Variants in CLSTN3 observed in about 807,000 individuals in gnomAD.
CLSTN3 encodes the protein calsyntenin-3.
A neutral mutation model predicts 95.9 loss-of-function variants in CLSTN3; 36 were observed. That is an observed-to-expected ratio of 0.38 (90% CI 0.29 to 0.50). CLSTN3 has a LOEUF of 0.50. Among genes scored for constraint, CLSTN3 ranks in the 20% least tolerant of loss-of-function variants. The pLI is 0.95. For missense variants in CLSTN3, 1,084 were observed against 1,268.8 expected (o/e 0.85, Z 2.21); for synonymous variants, 481 against 504.0 (o/e 0.95, Z 0.61).
chr12:7,155,979 C>A, intron 16 of CLSTN3: 1 of 332,228 alleles, frequency 3.0e-6, no homozygotes, highest in South Asian at 2.3e-5. Context: ...GCTCCTGGGC[C>A]ATGCGCTTCC....
chr12:7,146,881 C>T (rs1448860737), intron 12 of CLSTN3, among the ~76,000 whole-genome samples: 3 of 152,144 alleles, frequency 2.0e-5, no homozygotes, highest in African/African-American at 7.2e-5. Context: ...TCCCAAGGGG[C>T]TTTGCCCTAG....
In CLSTN3 at chr12:7,150,715, A is replaced by G; in HGVS notation, c.2391+26A>G. On this transcript the variant is annotated intron_variant, in intron 15 of 17. Coordinates refer to ENST00000266546, the MANE Select transcript of CLSTN3 (RefSeq NM_014718.4). This position sits in a 1 kb window ranked among gnomAD's most constrained non-coding sequence, Gnocchi z 4.0. ...GTACCCAGAGAGTCTCCTTCCTTCC[A>G]CAGTTACCCACCCCCAGAAAGGAGC... is the stretch of plus-strand genomic sequence containing the variant. The G allele has an allele frequency of 6.2e-7, 1 of 1,605,266 alleles. No homozygotes were observed. Among genetic ancestry groups the G allele is most frequent in the Non-Finnish European group, 8.5e-7 (1 of 1,172,688 alleles).
intron 10 of CLSTN3, 128 bp from the exon 11 acceptor site, chr12:7,142,741 C>G: frequency 3.2e-5 from 9 of 280,754 alleles, no homozygotes; most frequent in Middle Eastern, 4.9e-4. Flanking sequence ...TTTTTGGTTT[C>G]CACATTTCTC....
In CLSTN3 at chr12:7,157,560, C is replaced by T. The variant is rs1226470571; in HGVS notation, c.2599C>T (p.Leu867=). ...CCTGGTGCTCATGGTCGTCCTGGGC[C>T]TGGTGCGCATCCATTCCCTTCACCG... ...GFLVLMVVLG[L]VRIHSLHRRV... The change falls in exon 17 of 18, where the codon CTG becomes TTG. Residue 867 remains leucine (L), a synonymous_variant. Transcript: ENST00000266546. The surrounding 1 kb of genome is among the most constrained non-coding windows in gnomAD (Gnocchi z 5.9). 9 of 1,612,936 alleles carry T rather than the reference C, an allele frequency of 5.6e-6. No individual in the cohort carries two copies. The highest frequency in any genetic ancestry group is 7.6e-6 in the Non-Finnish European group (9 of 1,179,572).
intron 11 of CLSTN3, 51 bp from the exon 12 acceptor site, chr12:7,143,112 C>G (rs764175617): frequency 6.2e-7 from 1 of 1,600,518 alleles, no homozygotes; most frequent in East Asian, 2.2e-5. Context: ...TGCTCCCTTC[C>G]TCTGCCACCT....
chr12:7,158,107 G>C lies in CLSTN3; in HGVS notation c.*26G>C, dbSNP rs760882672. 1 of 1,479,686 alleles carries C rather than the reference G, an allele frequency of 6.8e-7. No individual in the cohort carries two copies. Among genetic ancestry groups the C allele is most frequent in the East Asian group, 2.5e-5 (1 of 39,874 alleles). 91.7% of individuals were successfully genotyped at this position (1,479,686 alleles called of 1,614,324 possible). On this transcript the variant is annotated 3_prime_UTR_variant, in exon 18 of 18. Transcript: ENST00000266546. ...GGCCTACACCTCTCCCCACGCAGAG[G>C]GGGAATTCTGCCCTGGTGAAACAGA...
At chr12:7,142,238 C>A in intron 10 of CLSTN3, 99 bp downstream of exon 10, 2 of 1,000,496 alleles carry the variant, frequency 2.0e-6, no homozygotes, top group South Asian at 1.5e-5. Context: ...CCTGTGACAG[C>A]CTCCTAGGCC....
At chr12:7,131,611 G>A (rs1456512518) in intron 1 of CLSTN3, among the ~76,000 whole-genome samples, 1 of 152,154 alleles carries the variant, frequency 6.6e-6, no homozygotes, top group Non-Finnish European at 1.5e-5. Context: ...ACCGCAGGGG[G>A]CCAGGAGGAG....
In CLSTN3 at chr12:7,135,306, CCTT is replaced by C. The variant is rs1565648846; in HGVS notation, c.384-18_384-16del. On this transcript the variant is annotated intron_variant, in intron 3 of 17. Coordinates refer to ENST00000266546, the MANE Select transcript of CLSTN3 (RefSeq NM_014718.4). ...GGCTGGCTGACGTGTCTTCATCCCT[CCTT>C]CTCTCTGGCATATGCAGGGCCACTG... 3.1e-6 allele frequency: 5 copies of C among 1,611,664 alleles called. No homozygotes were observed. Among genetic ancestry groups the C allele is most frequent in the Non-Finnish European group, 3.4e-6 (4 of 1,177,914 alleles).
Position 7,158,042 on chromosome 12 carries a change from C to A in CLSTN3, c.2832C>A (p.Asp944Glu). The part of the protein sequence containing the change: ...DSEVADSPSS[D>E]ERRIIETPPH... ...AGGTGGCCGATTCCCCCAGCAGCGA[C>A]GAGAGACGCATCATCGAGACCCCCC... is the stretch of plus-strand genomic sequence containing the variant. The change falls in exon 18 of 18, where the codon GAC becomes GAA. Residue 944 changes from aspartate (D) to glutamate (E), a missense_variant. By Grantham distance (45) the Asp-to-Glu change is conservative. Transcript: ENST00000266546. 6.5e-7 allele frequency: 1 copy of A among 1,548,474 alleles called. No homozygotes were observed. The highest frequency in any genetic ancestry group is 8.7e-7 in the Non-Finnish European group (1 of 1,145,064).
chr12:7,137,843 C>G lies in CLSTN3; in HGVS notation c.1211-112C>G. 1 of 417,996 alleles carries G rather than the reference C, an allele frequency of 2.4e-6. No homozygotes were observed. The allele number at this position is 417,996 out of a possible 1,614,324, so 25.9% of individuals were successfully genotyped here. ...GAGAGGAAAGAAAAATGCTAGAGAA[C>G]GAGGGAATGAGAGAGGATTAAGAGA... On this transcript the variant is annotated intron_variant, in intron 7 of 17. Coordinates refer to ENST00000266546, the MANE Select transcript of CLSTN3 (RefSeq NM_014718.4). This position sits in a 1 kb window ranked among gnomAD's most constrained non-coding sequence, Gnocchi z 4.4.
In CLSTN3 at chr12:7,135,386, G is replaced by A. The variant is rs1397492606; in HGVS notation, c.443G>A (p.Arg148Gln). Residue 148 changes from arginine to glutamine, a missense_variant, in exon 4 of 18, where the codon CGG becomes CAG. Arg to Gln is a conservative substitution (Grantham distance 43). Coordinates refer to ENST00000266546, the MANE Select transcript of CLSTN3 (RefSeq NM_014718.4). ...VNEFAPVFVE[R>Q]LYRAAVTEGK... ...GAGTTTGCCCCAGTGTTTGTGGAAC[G>A]GCTGTATCGTGCGGCTGTGACAGAG... 1.1e-5 allele frequency: 17 copies of A among 1,614,034 alleles called. No individual in the cohort carries two copies. Among genetic ancestry groups the A allele is most frequent in the Admixed American group, 3.3e-5 (2 of 60,010 alleles).
rs1411129570 is a variant in CLSTN3 at position 7,133,681 on chromosome 12, G to T, written c.296G>T (p.Cys99Phe). ...GLIRAKEPVDCEAQKEHTFTI... is the reference protein window; with the variant it reads ...GLIRAKEPVDFEAQKEHTFTI... ...ATCCGGGCCAAGGAGCCTGTGGACT[G>T]CGAGGCCCAGAAGGAACACACCTTC... is the stretch of plus-strand genomic sequence containing the variant. The change falls in exon 3 of 18, where the codon TGC becomes TTC. Residue 99 changes from cysteine (C) to phenylalanine (F), a missense_variant. By Grantham distance (205) the Cys-to-Phe change is radical. Coordinates refer to ENST00000266546, the MANE Select transcript of CLSTN3 (RefSeq NM_014718.4). This position sits in a 1 kb window ranked among gnomAD's most constrained non-coding sequence, Gnocchi z 4.7. The T allele has an allele frequency of 1.2e-6, 2 of 1,614,128 alleles. No individual in the cohort carries two copies. Among genetic ancestry groups the T allele is most frequent in the Non-Finnish European group, 1.7e-6 (2 of 1,179,986 alleles).
chr12:7,149,384 T>G lies in CLSTN3; in HGVS notation c.2075-139T>G. The stretch of plus-strand genomic sequence containing the variant: ...TGGGTGGAAATGAATTGTTGCATAA[T>G]GATATTCTTGAAAATGATGCTGACT... On this transcript the variant is annotated intron_variant, in intron 13 of 17. Transcript: ENST00000266546. This position sits in a 1 kb window ranked among gnomAD's most constrained non-coding sequence, Gnocchi z 4.5. The G allele has an allele frequency of 2.2e-6, 2 of 911,516 alleles. No homozygotes were observed. The highest frequency in any genetic ancestry group is 5.2e-5 in the East Asian group (2 of 38,824). The allele number at this position is 911,516 out of a possible 1,614,324, so 56.5% of individuals were successfully genotyped here.
chr12:7,135,646 C>G, intron 4 of CLSTN3, 111 bp downstream of exon 4: 1 of 1,358,374 alleles, frequency 7.4e-7, no homozygotes, highest in Non-Finnish European at 1.0e-6. Flanking sequence ...CCTCACCTCA[C>G]CCTTCTTCCC....
chr12:7,134,093 C>T (rs925034121), intron 3 of CLSTN3, among the ~76,000 whole-genome samples: 3 of 152,140 alleles, frequency 2.0e-5, no homozygotes, highest in Non-Finnish European at 4.4e-5. Context: ...TGTGAAGATT[C>T]AAGGAGATGG....
intron 12 of CLSTN3, among the ~76,000 whole-genome samples, chr12:7,144,232 C>CAAAAAAAA (rs754358387): frequency 1.4e-5 from 1 of 69,696 alleles, no homozygotes; most frequent in Non-Finnish European, 2.7e-5. Context: ...GACTCCATCT[C>CAAAAAAAA]AAAAAAAAAA....
In CLSTN3 at chr12:7,150,835, G is replaced by T; in HGVS notation, c.2392-93G>T. 6.5e-7 allele frequency: 1 copy of T among 1,544,356 alleles called. No homozygotes were observed. The stretch of plus-strand genomic sequence containing the variant: ...TGCAGTGGGTGGAGGAGAAGGAGAT[G>T]GGGGCAGTAGTTAGGAGATGGGGCT... On this transcript the variant is annotated intron_variant, in intron 15 of 17. Transcript: ENST00000266546. This position sits in a 1 kb window ranked among gnomAD's most constrained non-coding sequence, Gnocchi z 4.0.
chr12:7,135,476 G>C lies in CLSTN3; in HGVS notation c.533G>C (p.Ser178Thr). Reference protein sequence around the residue: ...AIDGDCSPQYSQICYYEILTP... With the variant: ...AIDGDCSPQYTQICYYEILTP... ...GACGGTGACTGCTCCCCCCAGTACA[G>C]CCAGATCTGCTACTATGAGATTCTC... is the stretch of plus-strand genomic sequence containing the variant. Residue 178 changes from serine (S) to threonine (T), a missense_variant, in exon 4 of 18, where the codon AGC becomes ACC. Coordinates refer to ENST00000266546, the MANE Select transcript of CLSTN3 (RefSeq NM_014718.4). 1 of 1,614,090 alleles carries C rather than the reference G, an allele frequency of 6.2e-7. No individual in the cohort carries two copies. Among genetic ancestry groups the C allele is most frequent in the Non-Finnish European group, 8.5e-7 (1 of 1,180,002 alleles).
Sources: gnomAD v4.1 joint callset for allele counts (sites outside exome capture counted in the v4.1 genomes callset) on GRCh38, gnomAD v4.1.1 for gene constraint, Gnocchi (gnomAD v3.1) non-coding constraint, MANE v1.5 for transcripts, NCBI Gene and HGNC (gene_info 2026-07-23, HGNC 2026-07-21) for gene names.